The following PDE4B variants were observed in gnomAD, a reference collection of about 807,000 sequenced individuals.
PDE4B encodes the protein phosphodiesterase 4B.
A neutral mutation model predicts 82.2 loss-of-function variants in PDE4B; 20 were observed. That is an observed-to-expected ratio of 0.24 (90% CI 0.17 to 0.35). PDE4B has a LOEUF of 0.35. Among genes scored for constraint, PDE4B ranks in the 10% least tolerant of loss-of-function variants. The pLI is 1.00. For missense variants in PDE4B, 655 were observed against 907.2 expected (o/e 0.72, Z 3.57); for synonymous variants, 320 against 318.9 (o/e 1.00, Z -0.04).
At chr1:65,815,715 T>G (rs924422970) in intron 1 of PDE4B, among the ~76,000 whole-genome samples, 1 of 152,188 alleles carries the variant, frequency 6.6e-6, no homozygotes, top group Non-Finnish European at 1.5e-5. Context: ...AACTAAACAT[T>G]TGATCATATA....
intron 3 of PDE4B, among the ~76,000 whole-genome samples, chr1:66,216,192 A>G (rs1171116198): frequency 6.7e-6 from 1 of 150,260 alleles, no homozygotes; most frequent in Admixed American, 6.7e-5. Context: ...AAAATAAATA[A>G]CATAATTATG....
At chr1:66,011,816 A>G (rs183483085) in intron 3 of PDE4B, among the ~76,000 whole-genome samples, 1,551 of 152,198 alleles carry the variant, frequency 0.01, 6 homozygotes, top group Non-Finnish European at 0.015. Context: ...CATACATACA[A>G]TTTGTCAGAC....
intron 3 of PDE4B, among the ~76,000 whole-genome samples, chr1:66,138,359 A>G (rs1024548709): frequency 3.3e-5 from 5 of 152,266 alleles, no homozygotes; most frequent in African/African-American, 1.2e-4. Flanking sequence ...TCTCTACTAA[A>G]AATACAAAAA....
intron 3 of PDE4B, among the ~76,000 whole-genome samples, chr1:66,020,784 A>T (rs992882431): frequency 1.3e-5 from 2 of 152,220 alleles, no homozygotes; most frequent in African/African-American, 4.8e-5. Flanking sequence ...ATAAGTGTGC[A>T]TGTGTCTTTA....
At chr1:66,103,751 C>T (rs2503162) in intron 3 of PDE4B, among the ~76,000 whole-genome samples, 1 of 151,860 alleles carries the variant, frequency 6.6e-6, no homozygotes, top group Non-Finnish European at 1.5e-5. Context: ...TCTGTTGGAA[C>T]TTCTTGGGCT....
Position 66,192,181 on chromosome 1 carries a change from T to C in PDE4B, c.282-55279T>C, listed in dbSNP as rs555735939. Among the ~76,000 whole-genome samples, 5 of 152,334 alleles carry C rather than the reference T, an allele frequency of 3.3e-5. No homozygotes were observed. The South Asian group carries it at 8.3e-4, about 25-fold the overall frequency. On this transcript the variant is annotated intron_variant, in intron 3 of 16. Coordinates refer to ENST00000341517, the MANE Select transcript of PDE4B (RefSeq NM_002600.4). Reference sequence around the variant, plus strand: ...TAGGGCCTTGTGTCCAAAACTGTTCTATCTCTCTCTCTCTGTGTCTCTTTG... The same window carrying C: ...TAGGGCCTTGTGTCCAAAACTGTTCCATCTCTCTCTCTCTGTGTCTCTTTG...
chr1:66,269,311 G>T (rs1258246427), intron 7 of PDE4B, among the ~76,000 whole-genome samples: 3 of 152,196 alleles, frequency 2.0e-5, no homozygotes, highest in African/African-American at 7.2e-5. Flanking sequence ...TAGAGCAATG[G>T]AGAATTTCAA....
intron 1 of PDE4B, among the ~76,000 whole-genome samples, chr1:65,875,801 T>G (rs916316882): frequency 3.4e-5 from 2 of 58,140 alleles, no homozygotes; most frequent in Admixed American, 2.6e-4. Context: ...GGGACTGTGG[T>G]GGGGTGGGGG....
chr1:65,835,269 T>C (rs1646127822), intron 1 of PDE4B, among the ~76,000 whole-genome samples: 1 of 152,148 alleles, frequency 6.6e-6, no homozygotes, highest in African/African-American at 2.4e-5. Context: ...CTTCAGTTTG[T>C]GTATAGAAAT....
chr1:66,264,893 G>A (rs569627043), intron 6 of PDE4B, among the ~76,000 whole-genome samples: 1 of 152,284 alleles, frequency 6.6e-6, no homozygotes, highest in East Asian at 1.9e-4. Flanking sequence ...AGATTCCCAG[G>A]CCTCATCTCG....
chr1:65,859,468 T>C (rs1314996877), intron 1 of PDE4B, among the ~76,000 whole-genome samples: 3 of 152,170 alleles, frequency 2.0e-5, no homozygotes, highest in African/African-American at 7.2e-5. Context: ...GATACCATCT[T>C]TGTATAAATT....
intron 3 of PDE4B, among the ~76,000 whole-genome samples, chr1:66,202,134 A>T (rs1249963481): frequency 6.6e-6 from 1 of 152,090 alleles, no homozygotes; most frequent in Non-Finnish European, 1.5e-5. Context: ...CAGGTTGTTC[A>T]GTTTCCATGT....
At chr1:65,855,898 CAT>C (rs1422075495) in intron 1 of PDE4B, among the ~76,000 whole-genome samples, 1 of 152,120 alleles carries the variant, frequency 6.6e-6, no homozygotes, top group East Asian at 1.9e-4. Context: ...TGCCTGCAGT[CAT>C]AGTGATTGCA....
intron 3 of PDE4B, among the ~76,000 whole-genome samples, chr1:66,101,493 G>T (rs1338905942): frequency 6.6e-6 from 1 of 152,168 alleles, no homozygotes; most frequent in East Asian, 1.9e-4. Flanking sequence ...TCCAGCACCT[G>T]TTGTTTCCTG....
Position 66,110,042 on chromosome 1 carries a change from C to A in PDE4B, c.282-137418C>A, listed in dbSNP as rs115651738. Among the ~76,000 whole-genome samples the A allele has an allele frequency of 3.1e-3, 471 of 151,926 alleles. 3 individuals are homozygous for A. Among genetic ancestry groups the A allele is most frequent in the African/African-American group, 0.011 (444 of 41,504 alleles). On this transcript the variant is annotated intron_variant, in intron 3 of 16. Transcript: ENST00000341517. The stretch of plus-strand genomic sequence containing the variant: ...CAAAACTTTTAAATCAAAATGCTAG[C>A]CTTAATATAAATTTCCAACACTGCA...
At chr1:66,074,271 CT>C (rs1175477635) in intron 3 of PDE4B, among the ~76,000 whole-genome samples, 4 of 151,870 alleles carry the variant, frequency 2.6e-5, no homozygotes, top group Non-Finnish European at 4.4e-5. Context: ...TTAATAATAC[CT>C]TCCTTTTGTG....
intron 1 of PDE4B, among the ~76,000 whole-genome samples, chr1:65,854,083 AT>A (rs201994384): frequency 0.16 from 24,419 of 151,880 alleles, 2,491 homozygotes; most frequent in Non-Finnish European, 0.23. Context: ...TATGCTTATC[AT>A]GTTTACCTTC....
intron 3 of PDE4B, among the ~76,000 whole-genome samples, chr1:66,157,295 A>G (rs1389973483): frequency 6.6e-6 from 1 of 152,268 alleles, no homozygotes; most frequent in East Asian, 1.9e-4. Flanking sequence ...AGCCACCTTT[A>G]TTGTCACTTA....
At chr1:66,104,400 C>T (rs1429104793) in intron 3 of PDE4B, among the ~76,000 whole-genome samples, 7 of 143,480 alleles carry the variant, frequency 4.9e-5, no homozygotes, top group East Asian at 2.0e-4. Flanking sequence ...AATAAACATA[C>T]GTGTGCATGT....
Sources: gnomAD v4.1 joint callset for allele counts (sites outside exome capture counted in the v4.1 genomes callset) on GRCh38, gnomAD v4.1.1 for gene constraint, MANE v1.5 for transcripts, NCBI Gene and HGNC (gene_info 2026-07-23, HGNC 2026-07-21) for gene names.